The following SHROOM3 variants were observed in gnomAD, a reference collection of about 807,000 sequenced individuals.
SHROOM3 encodes the protein protein Shroom3.
In SHROOM3, 47 loss-of-function variants were observed where a neutral mutation model predicts 138.6. The observed-to-expected ratio is 0.34, with a 90% CI of 0.27 to 0.43. SHROOM3 has a LOEUF of 0.43. SHROOM3 is among the 20% of genes least tolerant of loss of function. The probability of loss-of-function intolerance (pLI) is 1.00; values close to 1 mark genes in which losing one functional copy is unlikely to be tolerated. For synonymous variants in SHROOM3, 1,062 were observed against 1,063.3 expected (o/e 1.00, Z 0.02); for missense variants, 2,491 against 2,596.5 (o/e 0.96, Z 0.88).
intron 1 of SHROOM3, among the ~76,000 whole-genome samples, chr4:76,480,885 T>C (rs1731594587): frequency 6.6e-6 from 1 of 152,132 alleles, no homozygotes; most frequent in Non-Finnish European, 1.5e-5. Context: ...GAATGACTAC[T>C]GGGTAAATAC....
intron 2 of SHROOM3, among the ~76,000 whole-genome samples, chr4:76,577,160 G>A (rs1177977809): frequency 6.6e-6 from 1 of 152,132 alleles, no homozygotes; most frequent in Non-Finnish European, 1.5e-5. Flanking sequence ...AAGGGTAATC[G>A]GTGTCAGTGT....
At chr4:76,729,805 T>C (rs1053299341) in intron 3 of SHROOM3, among the ~76,000 whole-genome samples, 1 of 152,264 alleles carries the variant, frequency 6.6e-6, no homozygotes, top group Non-Finnish European at 1.5e-5. Context: ...TTTTCATTTA[T>C]ATTACAAAAA....
intron 1 of SHROOM3, among the ~76,000 whole-genome samples, chr4:76,508,531 T>C (rs183265766): frequency 6.6e-6 from 1 of 152,362 alleles, no homozygotes; most frequent in East Asian, 1.9e-4. Flanking sequence ...TTGGATATTC[T>C]GGGTCCCTTG....
chr4:76,709,559 G>T (rs957188600), intron 2 of SHROOM3, among the ~76,000 whole-genome samples: 2 of 151,864 alleles, frequency 1.3e-5, no homozygotes, highest in Non-Finnish European at 2.9e-5. Flanking sequence ...TGGTGTTAGG[G>T]ACTGGGGGTG....
chr4:76,748,761 C>T (rs1167253771), intron 5 of SHROOM3, among the ~76,000 whole-genome samples: 1 of 148,906 alleles, frequency 6.7e-6, no homozygotes, highest in Non-Finnish European at 1.5e-5. Context: ...AGGAAACATC[C>T]TTGTTAGAGG....
At chr4:76,753,347 G>T (rs1460260381) in intron 6 of SHROOM3, among the ~76,000 whole-genome samples, 1 of 152,190 alleles carries the variant, frequency 6.6e-6, no homozygotes, top group East Asian at 1.9e-4. Context: ...CTGGCACTTG[G>T]ATGATCTTGT....
chr4:76,616,872 A>G (rs149044143), intron 2 of SHROOM3, among the ~76,000 whole-genome samples: 19 of 152,356 alleles, frequency 1.2e-4, no homozygotes, highest in African/African-American at 4.1e-4. Context: ...AAGAAATAAC[A>G]ATAATTGGTC....
At chr4:76,535,102 C>T (rs1220863492) in intron 1 of SHROOM3, among the ~76,000 whole-genome samples, 1 of 152,182 alleles carries the variant, frequency 6.6e-6, no homozygotes, top group Non-Finnish European at 1.5e-5. Flanking sequence ...ATGTTTAATA[C>T]TTGAAATCTA....
At chr4:76,763,896 T>G (rs927695049) in intron 9 of SHROOM3, among the ~76,000 whole-genome samples, 5 of 152,328 alleles carry the variant, frequency 3.3e-5, no homozygotes, top group Middle Eastern at 6.8e-3. Context: ...GTTTTCTTCC[T>G]GAAATACAAC....
chr4:76,675,050 G>T (rs953892817), intron 2 of SHROOM3, among the ~76,000 whole-genome samples: 6 of 152,148 alleles, frequency 3.9e-5, no homozygotes, highest in African/African-American at 1.4e-4. Context: ...TAAATAATGG[G>T]CTTAGACAGT....
chr4:76,669,849 C>G (rs965624416), intron 2 of SHROOM3, among the ~76,000 whole-genome samples: 1 of 152,158 alleles, frequency 6.6e-6, no homozygotes, highest in Admixed American at 6.5e-5. Flanking sequence ...ACGGGCCTAA[C>G]TTTGTTAGAT....
chr4:76,631,300 T>C (rs564466371), intron 2 of SHROOM3, among the ~76,000 whole-genome samples: 4 of 146,310 alleles, frequency 2.7e-5, no homozygotes, highest in Admixed American at 1.4e-4. Context: ...CCTCTACCTC[T>C]GGGTTCAAGT....
chr4:76,665,893 G>A (rs113437435), intron 2 of SHROOM3, among the ~76,000 whole-genome samples: 10 of 152,204 alleles, frequency 6.6e-5, no homozygotes, highest in African/African-American at 1.9e-4. Flanking sequence ...CTGACCCCAC[G>A]CCATACCTTC....
intron 9 of SHROOM3, among the ~76,000 whole-genome samples, chr4:76,762,245 G>T (rs1284191555): frequency 6.6e-6 from 1 of 152,180 alleles, no homozygotes; most frequent in Non-Finnish European, 1.5e-5. Context: ...TGCTTTTTGA[G>T]CTGCAGGGTG....
intron 1 of SHROOM3, among the ~76,000 whole-genome samples, chr4:76,544,864 G>C (rs745329660): frequency 4.6e-5 from 7 of 152,142 alleles, no homozygotes; most frequent in Non-Finnish European, 8.8e-5. Flanking sequence ...CTGTTAGAGC[G>C]GGGCCTTCTT....
intron 1 of SHROOM3, among the ~76,000 whole-genome samples, chr4:76,547,424 A>G (rs1340820929): frequency 6.6e-6 from 1 of 152,214 alleles, no homozygotes; most frequent in African/African-American, 2.4e-5. Context: ...TTGATGCGAT[A>G]AAGTTACTGG....
At chr4:76,496,444 G>A (rs1731970610) in intron 1 of SHROOM3, among the ~76,000 whole-genome samples, 1 of 152,216 alleles carries the variant, frequency 6.6e-6, no homozygotes, top group South Asian at 2.1e-4. Context: ...TTCCCAAGGA[G>A]ACCCTTTTGT....
At chr4:76,742,845 C>T (rs1236943086) in intron 5 of SHROOM3, among the ~76,000 whole-genome samples, 1 of 152,190 alleles carries the variant, frequency 6.6e-6, no homozygotes, top group Non-Finnish European at 1.5e-5. Context: ...GCTCCACTCT[C>T]CCCTCTCAGA....
chr4:76,455,505 A>G (rs528533422), intron 1 of SHROOM3, among the ~76,000 whole-genome samples: 1 of 152,070 alleles, frequency 6.6e-6, no homozygotes, highest in Non-Finnish European at 1.5e-5. Context: ...TCATTAATTA[A>G]AATGATATAA....
Sources: allele counts gnomAD v4.1 joint callset (sites outside exome capture counted in the v4.1 genomes callset), GRCh38; gene constraint gnomAD v4.1.1; transcripts MANE v1.5; gene names NCBI Gene and HGNC (gene_info 2026-07-23, HGNC 2026-07-21).